Variants in SRPK2 observed in about 807,000 individuals in gnomAD.
SRPK2 encodes SFRS protein kinase 2.
SRPK2 carries 21 observed loss-of-function variants against 90.8 expected under a neutral mutation model. That is an observed-to-expected ratio of 0.23 (90% CI 0.16 to 0.33). The LOEUF (loss-of-function observed/expected upper bound fraction) is 0.33, where lower values mean the gene tolerates loss of function less well. SRPK2 is among the 10% of genes least tolerant of loss of function. The pLI is 1.00. For missense variants in SRPK2, 620 were observed against 869.0 expected (o/e 0.71, Z 3.60); for synonymous variants, 288 against 311.1 (o/e 0.93, Z 0.78).
intron 3 of SRPK2, among the ~76,000 whole-genome samples, chr7:105,197,729 G>A (rs954486408): frequency 2.6e-5 from 4 of 152,144 alleles, no homozygotes; most frequent in Admixed American, 6.5e-5. Context: ...GGACAATACC[G>A]TGGGTAATAA....
chr7:105,368,965 C>T lies in SRPK2; in HGVS notation c.71+19683G>A, dbSNP rs150964226. Among the ~76,000 whole-genome samples the T allele has an allele frequency of 2.5e-4, 37 of 150,514 alleles. No homozygotes were observed. The East Asian group carries it at 6.7e-3, about 27-fold the overall frequency. ...AGTGAAAACATGGAATGGTTTAGGG[C>T]AATGGACTTCAAACTGTGTTCTTCA... On this transcript the variant is annotated intron_variant, in intron 2 of 15. Coordinates refer to ENST00000393651, the MANE Select transcript of SRPK2 (RefSeq NM_182692.3).
In SRPK2 at chr7:105,128,015, C is replaced by A. The variant is rs949313979; in HGVS notation, c.1753-953G>T. ...TACTGGGGAAACTTCACTGCATCAACCTACCTTCTTTTTCTTTCAATGACC... is the reference window on the plus strand; with the variant it reads ...TACTGGGGAAACTTCACTGCATCAAACTACCTTCTTTTTCTTTCAATGACC... On this transcript the variant is annotated intron_variant, in intron 13 of 15. Coordinates refer to ENST00000393651, the MANE Select transcript of SRPK2 (RefSeq NM_182692.3). Among the ~76,000 whole-genome samples, 5 of 152,110 alleles carry A rather than the reference C, an allele frequency of 3.3e-5. No individual in the cohort carries two copies. The East Asian group carries it at 7.7e-4, about 23-fold the overall frequency.
chr7:105,149,149 G>A (rs1805139337), intron 7 of SRPK2, among the ~76,000 whole-genome samples: 1 of 152,146 alleles, frequency 6.6e-6, no homozygotes, highest in African/African-American at 2.4e-5. Context: ...GATAGAGGAA[G>A]GCCACTGTCT....
chr7:105,257,307 T>G (rs1184029691), intron 2 of SRPK2, among the ~76,000 whole-genome samples: 1 of 152,216 alleles, frequency 6.6e-6, no homozygotes, highest in Non-Finnish European at 1.5e-5. Context: ...AAAGTAGAGT[T>G]TTTATTGTTG....
intron 2 of SRPK2, among the ~76,000 whole-genome samples, chr7:105,367,288 G>A (rs1296293506): frequency 6.6e-6 from 1 of 151,736 alleles, no homozygotes; most frequent in Non-Finnish European, 1.5e-5. Context: ...TTTGAGACAG[G>A]TTCCGGCTCT....
chr7:105,374,133 G>A (rs1474178821), intron 2 of SRPK2, among the ~76,000 whole-genome samples: 2 of 151,854 alleles, frequency 1.3e-5, no homozygotes, highest in Admixed American at 6.6e-5. Context: ...CACCATGTTG[G>A]CCAGGCTGGT....
intron 6 of SRPK2, 39 bp downstream of exon 6, chr7:105,167,338 A>C: frequency 1.3e-6 from 2 of 1,538,308 alleles, no homozygotes; most frequent in Non-Finnish European, 1.8e-6. Flanking sequence ...TCATTTTTTA[A>C]AAGGTAAAAA....
downstream of SRPK2, among the ~76,000 whole-genome samples, chr7:105,115,715 A>G (rs1458506183): frequency 6.6e-6 from 1 of 152,202 alleles, no homozygotes; most frequent in African/African-American, 2.4e-5. Context: ...CTGTTTTATC[A>G]TAAGGGACAC....
chr7:105,237,924 T>C (rs1002707028), intron 2 of SRPK2, among the ~76,000 whole-genome samples: 2 of 152,158 alleles, frequency 1.3e-5, no homozygotes, highest in Non-Finnish European at 2.9e-5. Flanking sequence ...AAAGCAGCAG[T>C]AGAGTCTGAC....
intron 11 of SRPK2, among the ~76,000 whole-genome samples, chr7:105,133,636 C>G (rs1802359701): frequency 6.6e-6 from 1 of 152,210 alleles, no homozygotes; most frequent in Non-Finnish European, 1.5e-5. Context: ...ACTGCTTGGG[C>G]TGAGCACACA....
At chr7:105,388,227 T>G (rs953937969) in intron 2 of SRPK2, among the ~76,000 whole-genome samples, 1 of 151,428 alleles carries the variant, frequency 6.6e-6, no homozygotes, top group African/African-American at 2.4e-5. Flanking sequence ...GCGGCTCAGG[T>G]GGGAGCAACG....
intron 2 of SRPK2, among the ~76,000 whole-genome samples, chr7:105,352,843 T>C (rs1004942753): frequency 6.6e-6 from 1 of 151,766 alleles, no homozygotes; most frequent in African/African-American, 2.4e-5. Flanking sequence ...GGAGGTTGCA[T>C]GAGCCAAGAT....
chr7:105,271,705 AACCTCT>A (rs1805856484), intron 2 of SRPK2, among the ~76,000 whole-genome samples: 1 of 152,162 alleles, frequency 6.6e-6, no homozygotes, highest in Non-Finnish European at 1.5e-5. Flanking sequence ...CAGACTCTTG[AACCTCT>A]ACCTCTTGAG....
chr7:105,187,259 A>C (rs1249912665), intron 3 of SRPK2, among the ~76,000 whole-genome samples: 1 of 152,132 alleles, frequency 6.6e-6, no homozygotes, highest in African/African-American at 2.4e-5. Context: ...TAGCTCCAAA[A>C]ATCACTCATT....
At chr7:105,305,300 A>AT (rs1057515160) in intron 2 of SRPK2, among the ~76,000 whole-genome samples, 10 of 152,120 alleles carry the variant, frequency 6.6e-5, no homozygotes, top group African/African-American at 2.4e-4. Context: ...TTAGCCGGGT[A>AT]TTTTTACAGG....
chr7:105,398,866 C>T (rs1041255998), intron 1 of SRPK2, among the ~76,000 whole-genome samples: 3 of 152,198 alleles, frequency 2.0e-5, no homozygotes, highest in Non-Finnish European at 4.4e-5. Context: ...TGTGCCTTAA[C>T]TGCCTGATCT....
intron 2 of SRPK2, among the ~76,000 whole-genome samples, chr7:105,296,392 T>A (rs1262879430): frequency 6.6e-6 from 1 of 152,212 alleles, no homozygotes; most frequent in African/African-American, 2.4e-5. Flanking sequence ...TGACTCATAT[T>A]TCTTAAGGCA....
chr7:105,375,488 C>T (rs748274748), intron 2 of SRPK2, among the ~76,000 whole-genome samples: 1 of 152,080 alleles, frequency 6.6e-6, no homozygotes, highest in South Asian at 2.1e-4. Context: ...TTAAGACTAA[C>T]CTGGGCAGCA....
intron 2 of SRPK2, among the ~76,000 whole-genome samples, chr7:105,366,975 C>G (rs572404905): frequency 6.6e-6 from 1 of 152,292 alleles, no homozygotes; most frequent in South Asian, 2.1e-4. Flanking sequence ...TAGTGTCACT[C>G]CGTGAGTCCC....
Sources: gnomAD v4.1 joint callset for allele counts (sites outside exome capture counted in the v4.1 genomes callset) on GRCh38, gnomAD v4.1.1 for gene constraint, MANE v1.5 for transcripts, NCBI Gene and HGNC (gene_info 2026-07-23, HGNC 2026-07-21) for gene names.